Variants in ST3GAL3 observed in about 807,000 individuals in gnomAD.
ST3GAL3 encodes ST3 beta-galactoside alpha-2,3-sialyltransferase 3.
Under a neutral mutation model 50.1 loss-of-function variants are expected in ST3GAL3, and 21 were observed. The ratio of observed to expected loss-of-function variants is 0.42; its 90% CI spans 0.30 to 0.60. The LOEUF is 0.60. Ranked by LOEUF, ST3GAL3 falls within the 20% of genes least tolerant of loss-of-function variation. The pLI, the probability that ST3GAL3 is intolerant of heterozygous loss-of-function variation, is 0.19. For missense variants in ST3GAL3, 353 were observed against 489.4 expected, an observed-to-expected ratio of 0.72 and a Z score of 2.63; for synonymous variants, 183 against 190.0, an observed-to-expected ratio of 0.96 and a Z score of 0.30.
intron 2 of ST3GAL3, 142 bp downstream of exon 2, chr1:43,736,522 G>A: frequency 6.7e-7 from 1 of 1,482,662 alleles, no homozygotes; most frequent in East Asian, 2.3e-5. Context: ...CCTAGAAATT[G>A]CCTGCCATTT....
chr1:43,741,172 A>T (rs1018877787), intron 2 of ST3GAL3, among the ~76,000 whole-genome samples: 15 of 151,730 alleles, frequency 9.9e-5, no homozygotes, highest in African/African-American at 3.4e-4. Context: ...ACAGAAAAAT[A>T]AAAAAAATTA....
Position 43,759,447 on chromosome 1 carries a change from A to C in ST3GAL3, c.118+23067A>C, listed in dbSNP as rs541460025. On this transcript the variant is annotated intron_variant, in intron 2 of 11. Transcript: ENST00000347631. ...TGACAGAGCGAGACTCCATCTCAAAAAAACAAACAAACAAAAAACAAATGT... is the reference window on the plus strand; with the variant it reads ...TGACAGAGCGAGACTCCATCTCAAACAAACAAACAAACAAAAAACAAATGT... Among the ~76,000 whole-genome samples the C allele has an allele frequency of 6.2e-4, 94 of 152,340 alleles. 1 individual carries two copies. The highest frequency in any genetic ancestry group is 2.2e-3 in the African/African-American group (90 of 41,566).
chr1:43,821,682 G>A (rs1411855604), intron 4 of ST3GAL3, among the ~76,000 whole-genome samples: 2 of 152,112 alleles, frequency 1.3e-5, no homozygotes, highest in African/African-American at 4.8e-5. Flanking sequence ...AATTGACCCC[G>A]TCTTCCCCAG....
At chr1:43,838,129 A>G (rs987481840) in intron 4 of ST3GAL3, 90 bp from the exon 5 acceptor site, 4 of 733,358 alleles carry the variant, frequency 5.5e-6, no homozygotes. Flanking sequence ...AAAAAAAAAA[A>G]AGGGTTAAAC....
At chr1:43,854,454 G>A (rs557237421) in intron 5 of ST3GAL3, among the ~76,000 whole-genome samples, 1 of 152,230 alleles carries the variant, frequency 6.6e-6, no homozygotes, top group South Asian at 2.1e-4. Context: ...CTCCCTCCCA[G>A]TTCTCCTACC....
In ST3GAL3 at chr1:43,857,586, CCCTT is replaced by C. The variant is rs1178598580; in HGVS notation, c.302+19323_302+19326del. ...TTCCTTCTTTCTTTCCTTCCTCCCT[CCCTT>C]CCTTCCTTCCTTCCTTCCTTCCTTC... On this transcript the variant is annotated intron_variant, in intron 5 of 11. Transcript: ENST00000347631. Among the ~76,000 whole-genome samples, 302 of 86,018 alleles carry C rather than the reference CCCTT, an allele frequency of 3.5e-3. 2 individuals are homozygous for C. The highest frequency in any genetic ancestry group is 0.012 in the Middle Eastern group (2 of 166). 56.4% of individuals were successfully genotyped at this position (86,018 alleles called of 152,430 possible). A position where few individuals can be genotyped will look rare whatever the true frequency, so the allele number is the denominator to read the frequency against.
intron 11 of ST3GAL3, among the ~76,000 whole-genome samples, chr1:43,927,642 T>G (rs997673958): frequency 6.6e-6 from 1 of 152,148 alleles, no homozygotes; most frequent in Non-Finnish European, 1.5e-5. Context: ...AAACCTAATT[T>G]CATTCAACAA....
intron 5 of ST3GAL3, among the ~76,000 whole-genome samples, chr1:43,874,666 A>G (rs940976400): frequency 3.3e-5 from 5 of 152,256 alleles, no homozygotes; most frequent in African/African-American, 1.2e-4. Flanking sequence ...TCTAGGGCAC[A>G]AAAGTTGGCC....
intron 2 of ST3GAL3, chr1:43,736,866 G>A: frequency 4.1e-6 from 1 of 241,032 alleles, no homozygotes; most frequent in Non-Finnish European, 8.2e-6. Context: ...AGCCGTTGCT[G>A]CTATTGAACT....
At chr1:43,887,787 G>A (rs1219974123) in intron 5 of ST3GAL3, among the ~76,000 whole-genome samples, 2 of 151,222 alleles carry the variant, frequency 1.3e-5, no homozygotes, top group Non-Finnish European at 2.9e-5. Flanking sequence ...TGAGGATGAT[G>A]TTGGGGAAAG....
chr1:43,711,540 A>G (rs1370524550), intron 1 of ST3GAL3, among the ~76,000 whole-genome samples: 1 of 152,370 alleles, frequency 6.6e-6, no homozygotes, highest in East Asian at 1.9e-4. Flanking sequence ...ATCACAGCCC[A>G]TTGAAGATTA....
intron 1 of ST3GAL3, among the ~76,000 whole-genome samples, chr1:43,717,800 G>A (rs905718590): frequency 1.3e-5 from 2 of 151,974 alleles, no homozygotes; most frequent in Non-Finnish European, 1.5e-5. Flanking sequence ...GAGCCACCGT[G>A]CCTGGCCTGT....
chr1:43,878,404 A>G lies in ST3GAL3; in HGVS notation c.303-15979A>G, dbSNP rs71636613. On this transcript the variant is annotated intron_variant, in intron 5 of 11. Coordinates refer to ENST00000347631, the MANE Select transcript of ST3GAL3 (RefSeq NM_006279.5). ...TAAATGCCATGGGAAGAAAGAAAAT[A>G]TGGCAAGGTGACAGGAGCAAGTTGC... Among the ~76,000 whole-genome samples, 341 of 152,352 alleles carry G rather than the reference A, an allele frequency of 2.2e-3. 3 individuals carry two copies. Among genetic ancestry groups the G allele is most frequent in the South Asian group, 0.011 (53 of 4,828 alleles).
intron 1 of ST3GAL3, among the ~76,000 whole-genome samples, chr1:43,708,841 TATCA>T (rs1662993046): frequency 6.6e-6 from 1 of 152,212 alleles, no homozygotes; most frequent in African/African-American, 2.4e-5. Context: ...ACAGACTTTG[TATCA>T]ATCAATGGAA....
At chr1:43,873,059 G>A (rs2073335924) in intron 5 of ST3GAL3, among the ~76,000 whole-genome samples, 1 of 152,186 alleles carries the variant, frequency 6.6e-6, no homozygotes. Context: ...GGGAGTGTTG[G>A]AGGTCACTCT....
intron 11 of ST3GAL3, among the ~76,000 whole-genome samples, chr1:43,929,398 G>A (rs779944743): frequency 2.0e-5 from 3 of 151,612 alleles, no homozygotes; most frequent in East Asian, 1.9e-4. Flanking sequence ...TCTGCCTCCC[G>A]GGTTCAAGCG....
intron 1 of ST3GAL3, among the ~76,000 whole-genome samples, chr1:43,734,949 C>T (rs908977683): frequency 6.6e-6 from 1 of 151,958 alleles, no homozygotes; most frequent in African/African-American, 2.4e-5. Flanking sequence ...CATCCTTTTA[C>T]ATCAAAGGAT....
chr1:43,731,964 C>T (rs958326856), intron 1 of ST3GAL3, among the ~76,000 whole-genome samples: 1 of 152,210 alleles, frequency 6.6e-6, no homozygotes, highest in South Asian at 2.1e-4. Context: ...AGGTATGAGT[C>T]ATGGCGCCCG....
chr1:43,777,147 T>C (rs1237694546), intron 2 of ST3GAL3, among the ~76,000 whole-genome samples: 1 of 152,218 alleles, frequency 6.6e-6, no homozygotes, highest in African/African-American at 2.4e-5. Context: ...AGACATCATG[T>C]CATTTTACCC....
Sources: gnomAD v4.1 joint callset for allele counts (sites outside exome capture counted in the v4.1 genomes callset) on GRCh38, gnomAD v4.1.1 for gene constraint, MANE v1.5 for transcripts, NCBI Gene and HGNC (gene_info 2026-07-23, HGNC 2026-07-21) for gene names.